RBCK1: variants seen among roughly 807,000 people sequenced by gnomAD.
RBCK1 encodes the protein RANBP2-type and C3HC4-type zinc finger containing 1, also known as ranBP-type and C3HC4-type zinc finger-containing protein 1.
Under a neutral mutation model 71.1 loss-of-function variants are expected in RBCK1, and 44 were observed. That is an observed-to-expected ratio of 0.62 (90% CI 0.49 to 0.80). The LOEUF (loss-of-function observed/expected upper bound fraction) is 0.80, where lower values mean the gene tolerates loss of function less well. RBCK1 is among the 30% of genes least tolerant of loss of function. The probability of loss-of-function intolerance (pLI) is 0.00; values close to 1 mark genes in which losing one functional copy is unlikely to be tolerated. For missense variants in RBCK1, 569 were observed against 685.0 expected (o/e 0.83, Z 1.89); for synonymous variants, 306 against 279.7 (o/e 1.09, Z -0.94).
Position 427,499 on chromosome 20 carries a change from C to T in RBCK1, c.1209+7C>T. ...CAACTGCCTGCTCTGCAAGGTGGGG[C>T]CTGCAGGGACTCCCCCCACCTAGTC... On this transcript the variant is annotated splice_region_variant and intron_variant, in intron 9 of 11. Coordinates refer to ENST00000356286, the MANE Select transcript of RBCK1 (RefSeq NM_031229.4). 6.2e-7 allele frequency: 1 copy of T among 1,612,172 alleles called. No homozygotes were observed. The highest frequency in any genetic ancestry group is 8.5e-7 in the Non-Finnish European group (1 of 1,179,648).
rs111665087 is a variant in RBCK1, at chr20:411,792, T to A, written c.167+1767T>A. Among the ~76,000 whole-genome samples the A allele has an allele frequency of 5.3e-3, 814 of 152,158 alleles. 11 individuals are homozygous for A. Among genetic ancestry groups the A allele is most frequent in the African/African-American group, 0.019 (784 of 41,392 alleles). On this transcript the variant is annotated intron_variant, in intron 2 of 11. Transcript: ENST00000356286. ...TCTCAAAGTGCTGGGATTACAGGTG[T>A]GAGCCACCATGCCCAACCAGAACTT...
chr20:422,309 G>T lies in RBCK1; in HGVS notation c.1029+71G>T. 1 of 1,253,088 alleles carries T rather than the reference G, an allele frequency of 8.0e-7. No homozygotes were observed. The highest frequency in any genetic ancestry group is 1.1e-6 in the Non-Finnish European group (1 of 873,714). The allele number at this position is 1,253,088 out of a possible 1,614,324, so 77.6% of individuals were successfully genotyped here. A position where few individuals can be genotyped will look rare whatever the true frequency, so the allele number is the denominator to read the frequency against. On this transcript the variant is annotated intron_variant, in intron 8 of 11. Transcript: ENST00000356286. The surrounding 1 kb of genome is among the most constrained non-coding windows in gnomAD (Gnocchi z 5.0). ...GGAACTGGGCCCTGAGCAGGCAGCA[G>T]ACATCTTTCTTTTCTTTCTTTTTTT...
chr20:410,621 AT>A, intron 2 of RBCK1: 1 of 768,590 alleles, frequency 1.3e-6, no homozygotes, highest in South Asian at 1.4e-5. Context: ...TTCAGCTAGA[AT>A]TCAGGGGTTC....
Position 428,811 on chromosome 20 carries a change from G to C in RBCK1, c.1309-140G>C. ...CACAGGAATGAAGAGGGGGTTGCTG[G>C]ATGGAGCCTGGCCTGGCAGAGCCAC... On this transcript the variant is annotated intron_variant, in intron 10 of 11. Coordinates refer to ENST00000356286, the MANE Select transcript of RBCK1 (RefSeq NM_031229.4). The surrounding 1 kb of genome is among the most constrained non-coding windows in gnomAD (Gnocchi z 5.7). 1 of 1,435,338 alleles carries C rather than the reference G, an allele frequency of 7.0e-7. No homozygotes were observed. Among genetic ancestry groups the C allele is most frequent in the Non-Finnish European group, 9.1e-7 (1 of 1,098,748 alleles). 88.9% of individuals were successfully genotyped at this position (1,435,338 alleles called of 1,614,324 possible).
At position 427,185 on chromosome 20, in the gene RBCK1, A is replaced by C. The variant is rs1298160174; in HGVS notation, c.1030-128A>C. 8.4e-6 allele frequency: 7 copies of C among 830,374 alleles called. No individual in the cohort carries two copies. The East Asian group carries it at 1.0e-4, about 12-fold the overall frequency. 51.4% of individuals were successfully genotyped at this position (830,374 alleles called of 1,614,324 possible). A position where few individuals can be genotyped will look rare whatever the true frequency, so the allele number is the denominator to read the frequency against. On this transcript the variant is annotated intron_variant, in intron 8 of 11. Transcript: ENST00000356286. ...AGTTTTTCAACACTATGAGGATTAC[A>C]TGAAGAAAAGAGCCTGGGGCTGGGT... is the stretch of plus-strand genomic sequence containing the variant.
rs2015520347 is a variant in RBCK1, at chr20:408,744, C to T, written c.-14C>T. The T allele has an allele frequency of 5.0e-6, 8 of 1,612,524 alleles. No homozygotes were observed. The highest frequency in any genetic ancestry group is 6.8e-6 in the Non-Finnish European group (8 of 1,179,504). On this transcript the variant is annotated 5_prime_UTR_variant, in exon 1 of 12. Coordinates refer to ENST00000356286, the MANE Select transcript of RBCK1 (RefSeq NM_031229.4). ...GCACGGTCCCCCCCAGGGGGATGGG[C>T]ACAGCCACGCCAGATGGACGAGAAG...
At chr20:418,448 A>C (rs535166468) in intron 4 of RBCK1, among the ~76,000 whole-genome samples, 4 of 151,994 alleles carry the variant, frequency 2.6e-5, no homozygotes, top group African/African-American at 9.7e-5. Flanking sequence ...GGCTCACTGC[A>C]AGCTCCGACT....
Position 428,449 on chromosome 20 carries a change from C to T in RBCK1, c.1210-42C>T, listed in dbSNP as rs776939371. On this transcript the variant is annotated intron_variant, in intron 9 of 11. Transcript: ENST00000356286. The surrounding 1 kb of genome is among the most constrained non-coding windows in gnomAD (Gnocchi z 5.7). ...CCTCACCTCTCCCAGCTTCTTAACC[C>T]CCTGAGGAACCTTCTTACCTTGAGT... 58 of 1,461,790 alleles carry T rather than the reference C, an allele frequency of 4.0e-5. No homozygotes were observed. The South Asian group carries it at 5.4e-4, about 14-fold the overall frequency. 90.6% of individuals were successfully genotyped at this position (1,461,790 alleles called of 1,614,324 possible).
In RBCK1 at chr20:408,406, C is replaced by T. The variant is rs2015494929; in HGVS notation, c.-352C>T. ...ACCCGGGACGCCAGGGGCGCTCCCG[C>T]AAGTGGGGGTCCTCCGGGACTTGGA... is the stretch of plus-strand genomic sequence containing the variant. On this transcript the variant is annotated 5_prime_UTR_variant, in exon 1 of 12. Coordinates refer to ENST00000356286, the MANE Select transcript of RBCK1 (RefSeq NM_031229.4). 1.8e-5 allele frequency: 8 copies of T among 440,088 alleles called. No individual in the cohort carries two copies. Among genetic ancestry groups the T allele is most frequent in the Admixed American group, 4.3e-5 (1 of 23,308 alleles). 27.3% of individuals were successfully genotyped at this position (440,088 alleles called of 1,614,324 possible). A position where few individuals can be genotyped will look rare whatever the true frequency, so the allele number is the denominator to read the frequency against.
At chr20:412,937 T>G (rs776899738) in intron 2 of RBCK1, among the ~76,000 whole-genome samples, 42 of 152,218 alleles carry the variant, frequency 2.8e-4, no homozygotes, top group Admixed American at 4.6e-4. Context: ...CATTTAGGTC[T>G]TTGGTCCATT....
chr20:418,530 G>A (rs940741323), intron 4 of RBCK1, among the ~76,000 whole-genome samples: 31 of 152,088 alleles, frequency 2.0e-4, no homozygotes, highest in South Asian at 8.3e-4. Context: ...CACCACGCCC[G>A]GCTAATTTTT....
rs751232933 is a variant in RBCK1 at position 424,160 on chromosome 20, G to A, written c.1029+1922G>A. 9.6e-4 allele frequency among the ~76,000 whole-genome samples: 146 copies of A among 152,328 alleles called. 1 individual carries two copies. The highest frequency in any genetic ancestry group is 1.8e-3 in the Non-Finnish European group (121 of 68,022). On this transcript the variant is annotated intron_variant, in intron 8 of 11. Transcript: ENST00000356286. The stretch of plus-strand genomic sequence containing the variant: ...GTCTGTCACAGCGTTATGTGTGTCT[G>A]CATACGTGTGTGCTTGCCGCTGGCG...
chr20:420,835 C>CCTTCCCCCTTCGGGGT (rs1376650677), intron 6 of RBCK1, 36 bp from the exon 7 acceptor site: 1 of 1,534,824 alleles, frequency 6.5e-7, no homozygotes, highest in Non-Finnish European at 8.7e-7. Context: ...CCCCCGAGGC[C>CCTTCCCCCTTCGGGGT]CTGACCCGCC....
chr20:410,463 C>T (rs1568548442), intron 2 of RBCK1: 1 of 779,750 alleles, frequency 1.3e-6, no homozygotes, highest in East Asian at 2.4e-5. Context: ...CATCACATCA[C>T]AGGAGGAAGG....
chr20:417,428 G>T lies in RBCK1; in HGVS notation c.168-98G>T. On this transcript the variant is annotated intron_variant, in intron 2 of 11. Transcript: ENST00000356286. This position sits in a 1 kb window ranked among gnomAD's most constrained non-coding sequence, Gnocchi z 4.7. ...GTGTGTGTGTGTGTGTGTGTGCATG[G>T]CCATGTGCCTGTGTGCAAATATGTA... The T allele has an allele frequency of 1.1e-6, 1 of 950,674 alleles. No homozygotes were observed. Among genetic ancestry groups the T allele is most frequent in the Non-Finnish European group, 1.7e-6 (1 of 584,858 alleles). The allele number at this position is 950,674 out of a possible 1,614,324, so 58.9% of individuals were successfully genotyped here. A position where few individuals can be genotyped will look rare whatever the true frequency, so the allele number is the denominator to read the frequency against.
At chr20:411,410 C>G (rs913863706) in intron 2 of RBCK1, among the ~76,000 whole-genome samples, 2 of 152,148 alleles carry the variant, frequency 1.3e-5, no homozygotes, top group Non-Finnish European at 2.9e-5. Flanking sequence ...CTCTGTCCCC[C>G]AGGCTGGAGT....
rs2017003270 is a variant in RBCK1 at position 431,224 on chromosome 20, G to A, written c.*794G>A. Reference sequence around the variant, plus strand: ...TGCAGTGTGTCAAGTCTGCAGAGAAGGATGGGCTTAGGGGCGGGAGGGGAA... The same window carrying A: ...TGCAGTGTGTCAAGTCTGCAGAGAAAGATGGGCTTAGGGGCGGGAGGGGAA... On this transcript the variant is annotated 3_prime_UTR_variant, in exon 12 of 12. Transcript: ENST00000356286. This position sits in a 1 kb window ranked among gnomAD's most constrained non-coding sequence, Gnocchi z 4.8. 6.6e-6 allele frequency among the ~76,000 whole-genome samples: 1 copy of A among 152,176 alleles called. No individual in the cohort carries two copies. Among genetic ancestry groups the A allele is most frequent in the African/African-American group, 2.4e-5 (1 of 41,446 alleles).
intron 4 of RBCK1, among the ~76,000 whole-genome samples, chr20:418,510 A>G (rs1568555830): frequency 6.6e-6 from 1 of 152,084 alleles, no homozygotes; most frequent in East Asian, 1.9e-4. Flanking sequence ...CTGGGACTAC[A>G]GGCGCCCGCC....
At position 417,488 on chromosome 20, in the gene RBCK1, G is replaced by A. The variant is rs958139197; in HGVS notation, c.168-38G>A. 13 of 1,599,736 alleles carry A rather than the reference G, an allele frequency of 8.1e-6. No homozygotes were observed. The African/African-American group carries it at 1.6e-4, about 20-fold the overall frequency. On this transcript the variant is annotated intron_variant, in intron 2 of 11. Coordinates refer to ENST00000356286, the MANE Select transcript of RBCK1 (RefSeq NM_031229.4). The surrounding 1 kb of genome is among the most constrained non-coding windows in gnomAD (Gnocchi z 4.7). ...AGCCGGTGGCTGAGGCTGGACCCCTGGCCAGAGCCCATGCTGAGCCCCTGC... is the reference window on the plus strand; with the variant it reads ...AGCCGGTGGCTGAGGCTGGACCCCTAGCCAGAGCCCATGCTGAGCCCCTGC...
Sources: allele counts gnomAD v4.1 joint callset (sites outside exome capture counted in the v4.1 genomes callset), GRCh38; gene constraint gnomAD v4.1.1; non-coding constraint Gnocchi (gnomAD v3.1); transcripts MANE v1.5; gene names NCBI Gene and HGNC (gene_info 2026-07-23, HGNC 2026-07-21).